KCNH8: variants seen among roughly 807,000 people sequenced by gnomAD.
KCNH8 encodes the protein potassium voltage-gated channel subfamily H member 8.
In KCNH8, 70 loss-of-function variants were observed where a neutral mutation model predicts 103.6. The observed-to-expected ratio is 0.68, with a 90% CI of 0.56 to 0.82. The LOEUF (loss-of-function observed/expected upper bound fraction) is 0.82. Ranked by LOEUF, KCNH8 falls within the 40% of genes least tolerant of loss-of-function variation. The pLI, the probability that KCNH8 is intolerant of heterozygous loss-of-function variation, is 0.00. For missense variants in KCNH8, 1,217 were observed against 1,329.9 expected (o/e 0.92, Z 1.32); for synonymous variants, 498 against 489.4 (o/e 1.02, Z -0.23).
intron 1 of KCNH8, among the ~76,000 whole-genome samples, chr3:19,237,740 G>C (rs1324165918): frequency 6.6e-6 from 1 of 152,172 alleles, no homozygotes; most frequent in African/African-American, 2.4e-5. Flanking sequence ...TAAAGTACAT[G>C]AACCACTGAG....
intron 10 of KCNH8, among the ~76,000 whole-genome samples, chr3:19,453,437 T>C (rs540036533): frequency 1.6e-4 from 24 of 152,290 alleles, no homozygotes; most frequent in African/African-American, 4.8e-4. Flanking sequence ...ATAGATTATA[T>C]TTTGGAAGAG....
intron 7 of KCNH8, among the ~76,000 whole-genome samples, chr3:19,417,630 G>A (rs1329520538): frequency 2.0e-5 from 3 of 151,986 alleles, no homozygotes; most frequent in Non-Finnish European, 4.4e-5. Context: ...TTATGCTTCT[G>A]AATTGAGAAG....
intron 11 of KCNH8, among the ~76,000 whole-genome samples, chr3:19,495,935 C>A (rs78188217): frequency 0.068 from 10,376 of 151,986 alleles, 476 homozygotes; most frequent in Non-Finnish European, 0.097. Flanking sequence ...AGCTGTATTC[C>A]TCAGTATTTT....
At chr3:19,288,176 A>T (rs1378616046) in intron 3 of KCNH8, among the ~76,000 whole-genome samples, 3 of 126,268 alleles carry the variant, frequency 2.4e-5, no homozygotes, top group African/African-American at 1.2e-4. Flanking sequence ...CGGTGTATCA[A>T]ACTTCTTTTT....
Position 19,347,920 on chromosome 3 carries a change from A to C in KCNH8, c.766A>C (p.Ser256Arg). ...IGNDDLSTTR[S>R]TTVSDIAVEI... is the part of the protein sequence containing the mutation. ...CAATGACGACCTGTCCACAACTCGG[A>C]GCACAACCGTCAGTGACATTGCAGT... is the stretch of plus-strand genomic sequence containing the variant. Residue 256 changes from serine to arginine, a missense_variant, in exon 5 of 16, where the codon AGC (serine) becomes CGC (arginine). By Grantham distance (110) the Ser-to-Arg change is moderately radical (BLOSUM62 -1). Around this residue, in one of 3 missense-constraint regions of KCNH8, gnomAD observed 415 missense variants for 577.4 expected, o/e 0.72. Coordinates refer to ENST00000328405, the MANE Select transcript of KCNH8 (RefSeq NM_144633.3). 1 of 1,613,264 alleles carries C rather than the reference A, an allele frequency of 6.2e-7. No homozygotes were observed. The highest frequency in any genetic ancestry group is 8.5e-7 in the Non-Finnish European group (1 of 1,179,410).
At position 19,397,008 on chromosome 3, in the gene KCNH8, C is replaced by T. The variant is rs193163684; in HGVS notation, c.1177+1697C>T. Among the ~76,000 whole-genome samples the T allele has an allele frequency of 2.5e-4, 38 of 152,082 alleles. 1 individual carries two copies. Among genetic ancestry groups the T allele is most frequent in the Admixed American group, 2.2e-3 (33 of 15,226 alleles). ...CAGATGGGGAAATTTAGCTTATTCA[C>T]ACTCTCAAATTTAGTTATATGAACA... On this transcript the variant is annotated intron_variant, in intron 7 of 15. Transcript: ENST00000328405.
chr3:19,288,181 CTTTTTTT>C (rs767659898), intron 3 of KCNH8, among the ~76,000 whole-genome samples: 53 of 38,178 alleles, frequency 1.4e-3, no homozygotes, highest in Non-Finnish European at 2.1e-3. Context: ...TATCAAACTT[CTTTTTTT>C]TTTTTTTTTT....
chr3:19,277,441 G>C (rs191627349), intron 2 of KCNH8, among the ~76,000 whole-genome samples: 1 of 152,050 alleles, frequency 6.6e-6, no homozygotes, highest in African/African-American at 2.4e-5. Flanking sequence ...GTGCACGTCT[G>C]TAGTCCTAGC....
At chr3:19,488,987 G>T (rs2068265959) in intron 11 of KCNH8, among the ~76,000 whole-genome samples, 1 of 152,172 alleles carries the variant, frequency 6.6e-6, no homozygotes. Context: ...GAGGTCAGCA[G>T]AGGTGAAAGG....
intron 8 of KCNH8, among the ~76,000 whole-genome samples, chr3:19,447,690 C>G (rs1398210709): frequency 6.6e-6 from 1 of 151,926 alleles, no homozygotes; most frequent in African/African-American, 2.4e-5. Context: ...CAGTTCTTTT[C>G]TTTGGTGAGT....
At chr3:19,378,102 A>G (rs1163738672) in intron 5 of KCNH8, among the ~76,000 whole-genome samples, 1 of 152,200 alleles carries the variant, frequency 6.6e-6, no homozygotes, top group African/African-American at 2.4e-5. Context: ...TGAGACAGAC[A>G]GTGGTTCTAC....
intron 3 of KCNH8, among the ~76,000 whole-genome samples, chr3:19,337,191 A>T (rs1355869225): frequency 6.6e-6 from 1 of 152,074 alleles, no homozygotes; most frequent in Non-Finnish European, 1.5e-5. Context: ...ACAAGTACAC[A>T]ACTTTGATGA....
chr3:19,274,774 A>C (rs2064638617), intron 2 of KCNH8, among the ~76,000 whole-genome samples: 1 of 150,636 alleles, frequency 6.6e-6, no homozygotes, highest in South Asian at 2.1e-4. Context: ...TGAAAAGAGG[A>C]TTAAAAACTT....
At chr3:19,191,378 G>A (rs1193706582) in intron 1 of KCNH8, among the ~76,000 whole-genome samples, 1 of 151,748 alleles carries the variant, frequency 6.6e-6, no homozygotes, top group Non-Finnish European at 1.5e-5. Flanking sequence ...AAAAAGTGAT[G>A]TCATGTTGTT....
chr3:19,376,134 G>C (rs1043150098), intron 5 of KCNH8, among the ~76,000 whole-genome samples: 3 of 151,230 alleles, frequency 2.0e-5, no homozygotes, highest in African/African-American at 4.8e-5. Flanking sequence ...CACCCAGTTC[G>C]AGCGTCCAGG....
intron 3 of KCNH8, among the ~76,000 whole-genome samples, chr3:19,325,574 T>C (rs762500296): frequency 6.6e-6 from 1 of 151,930 alleles, no homozygotes; most frequent in Non-Finnish European, 1.5e-5. Flanking sequence ...TTGCCAACAG[T>C]CATGAATAAA....
At chr3:19,365,114 TTACTG>T (rs1316925497) in intron 5 of KCNH8, among the ~76,000 whole-genome samples, 1 of 152,132 alleles carries the variant, frequency 6.6e-6, no homozygotes, top group Non-Finnish European at 1.5e-5. Flanking sequence ...CCACCATTCT[TTACTG>T]TAAGCAAAAT....
At chr3:19,209,543 T>C (rs1262555791) in intron 1 of KCNH8, among the ~76,000 whole-genome samples, 2 of 152,084 alleles carry the variant, frequency 1.3e-5, no homozygotes, top group African/African-American at 4.8e-5. Flanking sequence ...AGATTGACTA[T>C]TACATTGTAA....
rs1373986308 is a variant in KCNH8 at position 19,296,259 on chromosome 3, A to G, written c.442+14930A>G. On this transcript the variant is annotated intron_variant, in intron 3 of 15. Transcript: ENST00000328405. ...AAATACATCTTTGAGTTCATGAGAA[A>G]AATACCTACAAACATAATTAGGGGA... Among the ~76,000 whole-genome samples, 4 of 152,236 alleles carry G rather than the reference A, an allele frequency of 2.6e-5. No homozygotes were observed. In the South Asian group the frequency reaches 6.2e-4, roughly 24 times the overall value.
Sources: allele counts gnomAD v4.1 joint callset (sites outside exome capture counted in the v4.1 genomes callset), GRCh38; gene constraint gnomAD v4.1.1; regional missense constraint gnomAD v4.1.1; transcripts MANE v1.5; gene names NCBI Gene and HGNC (gene_info 2026-07-23, HGNC 2026-07-21).